INTS4: variants seen among roughly 807,000 people sequenced by gnomAD.
The protein encoded by INTS4 is integrator complex subunit 4.
A neutral mutation model predicts 119.5 loss-of-function variants in INTS4; 70 were observed. The observed-to-expected ratio is 0.59, with a 90% CI of 0.48 to 0.71. The LOEUF is 0.71. INTS4 is among the 30% of genes least tolerant of loss of function. INTS4 has a pLI of 0.00. For synonymous variants in INTS4, 316 were observed against 419.6 expected (o/e 0.75, Z 3.02); for missense variants, 867 against 1,173.2 (o/e 0.74, Z 3.81).
At chr11:77,894,204 T>C in intron 19 of INTS4, 86 bp downstream of exon 19, 2 of 690,700 alleles carry the variant, frequency 2.9e-6, no homozygotes. Flanking sequence ...CCAAGGAATG[T>C]GATTTGTGAT....
chr11:77,949,890 T>A (rs1030501757), intron 8 of INTS4, among the ~76,000 whole-genome samples: 11 of 152,184 alleles, frequency 7.2e-5, no homozygotes, highest in African/African-American at 2.7e-4. Context: ...GGATTATAAA[T>A]CATTCTACTA....
chr11:77,993,209 T>G (rs1371464249), intron 1 of INTS4, among the ~76,000 whole-genome samples: 1 of 152,196 alleles, frequency 6.6e-6, no homozygotes, highest in East Asian at 1.9e-4. Flanking sequence ...GACCTCCGAC[T>G]GGTGGGAAGA....
intron 18 of INTS4, among the ~76,000 whole-genome samples, chr11:77,899,633 G>C (rs1952690533): frequency 6.6e-6 from 1 of 151,432 alleles, no homozygotes. Context: ...TCGGACCACT[G>C]CACTCCAGCC....
intron 4 of INTS4, among the ~76,000 whole-genome samples, chr11:77,970,777 T>A (rs1423410416): frequency 6.6e-6 from 1 of 151,974 alleles, no homozygotes; most frequent in African/African-American, 2.4e-5. Flanking sequence ...ATTACAGCCA[T>A]CCTAGAAATG....
At chr11:77,935,726 T>A (rs1206645071) in intron 10 of INTS4, among the ~76,000 whole-genome samples, 2 of 151,590 alleles carry the variant, frequency 1.3e-5, no homozygotes, top group Non-Finnish European at 1.5e-5. Context: ...CAAAACCCCA[T>A]CTCTACAAAA....
chr11:77,989,664 T>G (rs1402656100), intron 2 of INTS4, among the ~76,000 whole-genome samples: 1 of 148,280 alleles, frequency 6.7e-6, no homozygotes, highest in African/African-American at 2.5e-5. Flanking sequence ...CCAAGGAGGG[T>G]GGATTGCTTG....
At chr11:77,971,386 G>A (rs1190544571) in intron 4 of INTS4, among the ~76,000 whole-genome samples, 10 of 151,754 alleles carry the variant, frequency 6.6e-5, no homozygotes, top group Non-Finnish European at 4.4e-5. Flanking sequence ...AGTGGCTCAC[G>A]CTGTAATCCC....
At chr11:77,976,658 A>G (rs1183334433) in intron 4 of INTS4, among the ~76,000 whole-genome samples, 1 of 152,262 alleles carries the variant, frequency 6.6e-6, no homozygotes, top group African/African-American at 2.4e-5. Context: ...TCACAATAGC[A>G]AAGACTTGGA....
intron 15 of INTS4, among the ~76,000 whole-genome samples, chr11:77,916,442 A>T (rs536931264): frequency 6.6e-6 from 1 of 152,360 alleles, no homozygotes; most frequent in East Asian, 1.9e-4. Flanking sequence ...TATGGTAAAC[A>T]ATGGTAAATA....
At chr11:77,938,887 C>T (rs1953864071) in intron 9 of INTS4, 62 bp from the exon 10 acceptor site, 1 of 1,227,504 alleles carries the variant, frequency 8.1e-7, no homozygotes, top group Admixed American at 2.3e-5. Context: ...TAAGATGAAC[C>T]CTGAGAACAT....
At chr11:77,919,779 A>G (rs1953294829) in intron 14 of INTS4, among the ~76,000 whole-genome samples, 1 of 152,136 alleles carries the variant, frequency 6.6e-6, no homozygotes, top group Admixed American at 6.6e-5. Context: ...GAGAGAGCAA[A>G]GAGTATTTCA....
chr11:77,924,934 T>G (rs973829878), intron 11 of INTS4, 42 bp from the exon 12 acceptor site: 1 of 1,497,724 alleles, frequency 6.7e-7, no homozygotes, highest in African/African-American at 1.4e-5. Context: ...TACTGTTGGT[T>G]AGCAGACTCA....
intron 18 of INTS4, among the ~76,000 whole-genome samples, chr11:77,895,270 C>A (rs1260911080): frequency 6.6e-6 from 1 of 151,244 alleles, no homozygotes; most frequent in African/African-American, 2.4e-5. Context: ...ATATATTATT[C>A]ATTGGAGGAA....
At position 77,991,220 on chromosome 11, in the gene INTS4, T is replaced by C. The variant is rs754003021; in HGVS notation, c.134A>G (p.Lys45Arg). 2 of 1,614,188 alleles carry C rather than the reference T, an allele frequency of 1.2e-6. No homozygotes were observed. Among genetic ancestry groups the C allele is most frequent in the Non-Finnish European group, 1.7e-6 (2 of 1,180,026 alleles). The change falls in exon 2 of 23, where the codon AAA becomes AGA. Residue 45 changes from lysine to arginine, a missense_variant. Physicochemically the swap from Lys to Arg is conservative, Grantham distance 26 (BLOSUM62 2). Coordinates refer to ENST00000534064, the MANE Select transcript of INTS4 (RefSeq NM_033547.4). ...KSAALHIDLCKATSPADALQY... is the reference protein window; with the variant it reads ...KSAALHIDLCRATSPADALQY... Reference sequence around the variant, plus strand: ...CAAAGCATCTGCTGGGGAGGTAGCTTTACACAGATCTATGTGGAGTGCTGC... The same window carrying C: ...CAAAGCATCTGCTGGGGAGGTAGCTCTACACAGATCTATGTGGAGTGCTGC...
chr11:77,981,877 A>G (rs1235508254), intron 2 of INTS4, among the ~76,000 whole-genome samples: 1 of 151,918 alleles, frequency 6.6e-6, no homozygotes, highest in East Asian at 1.9e-4. Context: ...CAGTTGATAC[A>G]TTACATCCAA....
At chr11:77,957,631 C>A (rs1954361759) in intron 7 of INTS4, among the ~76,000 whole-genome samples, 1 of 146,732 alleles carries the variant, frequency 6.8e-6, no homozygotes, top group South Asian at 2.2e-4. Context: ...TATTTCATAT[C>A]CTTAAGTTTA....
At chr11:77,883,459 G>A (rs1040084113) in intron 22 of INTS4, among the ~76,000 whole-genome samples, 1 of 152,060 alleles carries the variant, frequency 6.6e-6, no homozygotes, top group African/African-American at 2.4e-5. Flanking sequence ...TTGTCATTTG[G>A]AAGATAAGGA....
chr11:77,905,424 T>C (rs1275071118), intron 16 of INTS4, among the ~76,000 whole-genome samples: 2 of 151,246 alleles, frequency 1.3e-5, no homozygotes, highest in African/African-American at 4.9e-5. Flanking sequence ...CACGCCACTG[T>C]ATTCAGCCTG....
intron 2 of INTS4, among the ~76,000 whole-genome samples, chr11:77,984,256 G>T (rs1039480114): frequency 6.6e-6 from 1 of 152,158 alleles, no homozygotes; most frequent in Non-Finnish European, 1.5e-5. Context: ...ACCTTGGGAG[G>T]CCAAGGCAGG....
Sources: allele counts gnomAD v4.1 joint callset (sites outside exome capture counted in the v4.1 genomes callset), GRCh38; gene constraint gnomAD v4.1.1; transcripts MANE v1.5; gene names NCBI Gene and HGNC (gene_info 2026-07-23, HGNC 2026-07-21).